The following ANKS1B variants were observed in gnomAD, a reference collection of about 807,000 sequenced individuals.
ANKS1B encodes ankyrin repeat and sterile alpha motif domain-containing protein 1B.
ANKS1B carries 36 observed loss-of-function variants against 148.3 expected under a neutral mutation model. The observed-to-expected ratio is 0.24, with a 90% CI of 0.19 to 0.32. The LOEUF is 0.32. ANKS1B is among the 10% of genes least tolerant of loss of function. The probability of loss-of-function intolerance (pLI) is 1.00; values close to 1 mark genes in which losing one functional copy is unlikely to be tolerated. For missense variants in ANKS1B, 1,157 were observed against 1,542.6 expected (o/e 0.75, Z 4.19); for synonymous variants, 542 against 560.8 (o/e 0.97, Z 0.47).
At chr12:99,686,791 T>C (rs1037857087) in intron 8 of ANKS1B, among the ~76,000 whole-genome samples, 1 of 152,184 alleles carries the variant, frequency 6.6e-6, no homozygotes, top group South Asian at 2.1e-4. Flanking sequence ...TGTTGCCATA[T>C]ATTTTAAGTG....
chr12:99,421,171 G>T (rs918908658), intron 11 of ANKS1B, among the ~76,000 whole-genome samples: 1 of 152,134 alleles, frequency 6.6e-6, no homozygotes, highest in Non-Finnish European at 1.5e-5. Flanking sequence ...GTATAAGTAG[G>T]ATCTAACTGA....
intron 12 of ANKS1B, among the ~76,000 whole-genome samples, chr12:99,397,959 CA>C (rs1267656579): frequency 6.6e-6 from 1 of 151,970 alleles, no homozygotes; most frequent in Non-Finnish European, 1.5e-5. Flanking sequence ...AAACAAAGTG[CA>C]AAAGCCCCAG....
At chr12:98,889,277 A>G (rs897045323) in intron 17 of ANKS1B, among the ~76,000 whole-genome samples, 3 of 152,180 alleles carry the variant, frequency 2.0e-5, no homozygotes, top group Non-Finnish European at 4.4e-5. Context: ...TGAACAAACT[A>G]TGACTATTAT....
At chr12:99,631,902 A>G (rs984251452) in intron 9 of ANKS1B, among the ~76,000 whole-genome samples, 6 of 152,242 alleles carry the variant, frequency 3.9e-5, no homozygotes, top group African/African-American at 1.4e-4. Flanking sequence ...CCAAGGGTGT[A>G]GCCCAGTGAC....
intron 16 of ANKS1B, among the ~76,000 whole-genome samples, chr12:99,061,695 T>C (rs975661340): frequency 2.6e-5 from 4 of 152,366 alleles, no homozygotes; most frequent in African/African-American, 9.6e-5. Flanking sequence ...TTCAGTATCA[T>C]AGCCTTTCCT....
intron 15 of ANKS1B, among the ~76,000 whole-genome samples, chr12:99,119,923 C>A (rs1042352231): frequency 6.6e-6 from 1 of 152,144 alleles, no homozygotes. Flanking sequence ...AATCACCAAA[C>A]TTCTAAATAA....
chr12:99,212,004 A>G lies in ANKS1B; in HGVS notation c.2419+32338T>C, dbSNP rs139124764. ...TAGTTCCCAGGCAATTCAATCTGCC[A>G]CAAAGTACAATGTAGAGCACTGTGC... On this transcript the variant is annotated intron_variant, in intron 14 of 26. Transcript: ENST00000683438. Among the ~76,000 whole-genome samples the G allele has an allele frequency of 3.2e-4, 49 of 152,342 alleles. No homozygotes were observed. In the East Asian group the frequency reaches 7.7e-3, roughly 24 times the overall value.
chr12:98,884,283 G>A (rs1387473200), intron 17 of ANKS1B, among the ~76,000 whole-genome samples: 5 of 152,060 alleles, frequency 3.3e-5, no homozygotes, highest in African/African-American at 1.2e-4. Context: ...CCATTAACCT[G>A]TTATTTTTAT....
chr12:98,962,671 C>G (rs939498075), intron 17 of ANKS1B, among the ~76,000 whole-genome samples: 1 of 152,074 alleles, frequency 6.6e-6, no homozygotes, highest in Admixed American at 6.6e-5. Context: ...GGATTATTCT[C>G]AAGGATAGAC....
At chr12:99,962,179 G>A (rs151140598) in intron 1 of ANKS1B, among the ~76,000 whole-genome samples, 70 of 152,024 alleles carry the variant, frequency 4.6e-4, no homozygotes, top group Admixed American at 7.9e-4. Flanking sequence ...CTATTGACCC[G>A]TCCTCTAAGT....
At chr12:99,780,577 C>T (rs774575071) in intron 5 of ANKS1B, among the ~76,000 whole-genome samples, 13 of 152,180 alleles carry the variant, frequency 8.5e-5, no homozygotes, top group East Asian at 1.9e-4. Flanking sequence ...CCACCACGCC[C>T]GGCTGACCCT....
At chr12:99,797,139 T>C (rs1411883291) in intron 4 of ANKS1B, among the ~76,000 whole-genome samples, 1 of 151,962 alleles carries the variant, frequency 6.6e-6, no homozygotes, top group African/African-American at 2.4e-5. Context: ...ACCCATGGAC[T>C]TTTCAAAATA....
chr12:98,753,163 C>T (rs1322078184), intron 25 of ANKS1B, among the ~76,000 whole-genome samples: 1 of 152,244 alleles, frequency 6.6e-6, no homozygotes, highest in Non-Finnish European at 1.5e-5. Context: ...TTCCGACCTT[C>T]AATCAGTCCT....
rs142372717 is a variant in ANKS1B, at chr12:99,169,870, G to A, written c.2420-15475C>T. 1.6e-3 allele frequency among the ~76,000 whole-genome samples: 244 copies of A among 152,082 alleles called. 2 individuals are homozygous for A. Among genetic ancestry groups the A allele is most frequent in the African/African-American group, 5.7e-3 (234 of 41,350 alleles). On this transcript the variant is annotated intron_variant, in intron 14 of 26. Coordinates refer to ENST00000683438, the MANE Select transcript of ANKS1B (RefSeq NM_001352186.2). Reference sequence around the variant, plus strand: ...TAGCCTGGCTCCAGAGCCTAACTAAGCTTTCAGCCACTACTCTATGCCGCT... The same window carrying A: ...TAGCCTGGCTCCAGAGCCTAACTAAACTTTCAGCCACTACTCTATGCCGCT...
At chr12:99,078,928 T>C (rs1206361024) in intron 16 of ANKS1B, among the ~76,000 whole-genome samples, 2 of 152,222 alleles carry the variant, frequency 1.3e-5, no homozygotes, top group Non-Finnish European at 2.9e-5. Context: ...GCTAGCACTT[T>C]CTTGTCTTCT....
Position 99,505,403 on chromosome 12 carries a change from G to A in ANKS1B, c.1273-762C>T, listed in dbSNP as rs563853396. Among the ~76,000 whole-genome samples the A allele has an allele frequency of 3.3e-5, 5 of 151,938 alleles. No homozygotes were observed. In the East Asian group the frequency reaches 7.7e-4, roughly 24 times the overall value. ...AAATGTCTTGCCATCCAGCACACTA[G>A]TATCTTTCCTTGTAAATACCATTAA... is the stretch of plus-strand genomic sequence containing the variant. On this transcript the variant is annotated intron_variant, in intron 9 of 26. Coordinates refer to ENST00000683438, the MANE Select transcript of ANKS1B (RefSeq NM_001352186.2).
intron 17 of ANKS1B, among the ~76,000 whole-genome samples, chr12:99,005,835 T>C (rs533670914): frequency 2.0e-5 from 3 of 152,220 alleles, no homozygotes; most frequent in East Asian, 3.9e-4. Flanking sequence ...AAACATATGC[T>C]GATGAACTCA....
intron 9 of ANKS1B, among the ~76,000 whole-genome samples, chr12:99,612,781 T>G (rs1351725418): frequency 6.6e-6 from 1 of 152,128 alleles, no homozygotes; most frequent in Admixed American, 6.6e-5. Flanking sequence ...CATTAAAACA[T>G]TATTCTTTGC....
intron 1 of ANKS1B, among the ~76,000 whole-genome samples, chr12:99,902,002 TA>T (rs1313708725): frequency 2.6e-5 from 4 of 152,142 alleles, no homozygotes; most frequent in Non-Finnish European, 5.9e-5. Context: ...GAATAGTGAA[TA>T]AGATAGAAAA....
Sources: gnomAD v4.1 joint callset for allele counts (sites outside exome capture counted in the v4.1 genomes callset) on GRCh38, gnomAD v4.1.1 for gene constraint, MANE v1.5 for transcripts, NCBI Gene and HGNC (gene_info 2026-07-23, HGNC 2026-07-21) for gene names.